Variants in MASP2 observed in about 807,000 individuals in gnomAD.
MASP2 encodes MBL associated serine protease 2.
Under a neutral mutation model 57.1 loss-of-function variants are expected in MASP2, and 49 were observed. The ratio of observed to expected loss-of-function variants is 0.86; its 90% CI spans 0.68 to 1.09. The LOEUF is 1.09. Ranked by LOEUF, MASP2 falls within the 50% of genes least tolerant of loss-of-function variation. MASP2 has a pLI of 0.00. For synonymous variants in MASP2, 379 were observed against 340.8 expected (o/e 1.11, Z -1.24); for missense variants, 900 against 874.8 (o/e 1.03, Z -0.36).
intron 4 of MASP2, chr1:11,045,050 C>T: frequency 8.9e-7 from 1 of 1,117,392 alleles, no homozygotes; most frequent in South Asian, 1.3e-5. Context: ...CTGCCCACGC[C>T]CCAGAGCACT....
chr1:11,030,217 G>C lies in MASP2; in HGVS notation c.1256C>G (p.Thr419Arg), dbSNP rs201988936. The stretch of plus-strand genomic sequence containing the variant: ...GAGTGATTTTTCTCCTTTGGAGCTC[G>C]TCCAGAATCCATCAGCCTCACACAC... ...KYVCEADGFWTSSKGEKSLPV... is the reference protein window; with the variant it reads ...KYVCEADGFWRSSKGEKSLPV... Residue 419 changes from threonine (T) to arginine (R), a missense_variant, in exon 10 of 11, where the codon ACG becomes AGG. Transcript: ENST00000400897. 19 of 1,613,362 alleles carry C rather than the reference G, an allele frequency of 1.2e-5. No homozygotes were observed. The highest frequency in any genetic ancestry group is 1.6e-5 in the Non-Finnish European group (19 of 1,179,826).
chr1:11,040,766 G>A (rs1238377890), intron 6 of MASP2, among the ~76,000 whole-genome samples: 2 of 150,894 alleles, frequency 1.3e-5, no homozygotes, highest in South Asian at 2.1e-4. Flanking sequence ...TAGAAGAATG[G>A]GTGGGTGGGT....
At chr1:11,042,483 A>C (rs933805452) in intron 6 of MASP2, among the ~76,000 whole-genome samples, 1 of 150,874 alleles carries the variant, frequency 6.6e-6, no homozygotes, top group East Asian at 2.0e-4. Flanking sequence ...GCTGAATAGA[A>C]GGATGGATGG....
At chr1:11,045,117 A>G (rs1638586560) in intron 4 of MASP2, 2 of 764,422 alleles carry the variant, frequency 2.6e-6, no homozygotes, top group Non-Finnish European at 4.5e-6. Flanking sequence ...CGAGGGCTAG[A>G]TACCCCCGAC....
At chr1:11,028,865 C>G (rs1000440594) in intron 10 of MASP2, among the ~76,000 whole-genome samples, 2 of 151,646 alleles carry the variant, frequency 1.3e-5, no homozygotes, top group Admixed American at 1.3e-4. Flanking sequence ...AGGCACACGC[C>G]ACCACACCTG....
intron 7 of MASP2, among the ~76,000 whole-genome samples, chr1:11,036,629 CTT>C (rs748876362): frequency 1.4e-4 from 15 of 110,270 alleles, no homozygotes; most frequent in Middle Eastern, 5.1e-3. Flanking sequence ...AAGTGTCTCT[CTT>C]TTTTTTTTTT....
At chr1:11,030,628 G>T in intron 9 of MASP2, 120 bp downstream of exon 9, 1 of 1,101,860 alleles carries the variant, frequency 9.1e-7, no homozygotes, top group Non-Finnish European at 1.3e-6. Context: ...GCGGATGGGA[G>T]AAGTGGCTTT....
chr1:11,041,628 T>A, intron 6 of MASP2, among the ~76,000 whole-genome samples: 1 of 146,756 alleles, frequency 6.8e-6, no homozygotes, highest in African/African-American at 2.6e-5. Context: ...GATGGATGGA[T>A]GGATGGATGG....
At chr1:11,034,604 A>G (rs1643874744) in intron 8 of MASP2, among the ~76,000 whole-genome samples, 1 of 151,304 alleles carries the variant, frequency 6.6e-6, no homozygotes, top group South Asian at 2.1e-4. Flanking sequence ...AGGCTGAGGC[A>G]GGAGGATTGC....
intron 10 of MASP2, 66 bp from the exon 11 acceptor site, chr1:11,027,714 T>C (rs1384726554): frequency 4.0e-6 from 6 of 1,499,194 alleles, no homozygotes; most frequent in South Asian, 1.3e-5. Flanking sequence ...TCTTAAATTA[T>C]GACCGCCTTG....
intron 8 of MASP2, among the ~76,000 whole-genome samples, chr1:11,033,043 T>C (rs1053053066): frequency 1.3e-5 from 2 of 152,096 alleles, no homozygotes; most frequent in Non-Finnish European, 2.9e-5. Context: ...AGAAAAATAT[T>C]GTCGGCCGGG....
rs932876565 is a variant in MASP2 at position 11,043,520 on chromosome 1, T to C, written c.560A>G (p.Gln187Arg). The C allele has an allele frequency of 3.1e-6, 5 of 1,601,392 alleles. No individual in the cohort carries two copies. The highest frequency in any genetic ancestry group is 2.7e-5 in the African/African-American group (2 of 74,734). The change falls in exon 5 of 11, where the codon CAG (glutamine) becomes CGG (arginine). Residue 187 changes from glutamine (Q) to arginine (R), a missense_variant. By Grantham distance (43) the Gln-to-Arg change is conservative. Transcript: ENST00000400897. ...KRTCSALCSG[Q>R]VFTQRSGELS... ...CTCCCCAGACCTCTGGGTGAAGACC[T>C]GGCCGGAGCACAGGGCTGGAAGGAG... is the stretch of plus-strand genomic sequence containing the variant.
intron 9 of MASP2, chr1:11,030,485 AAT>A (rs1455749372): frequency 6.2e-5 from 36 of 579,476 alleles, no homozygotes; most frequent in Non-Finnish European, 1.0e-4. Context: ...TCAAGTGCTT[AAT>A]GATAAGGTGT....
chr1:11,041,276 G>A (rs568218244), intron 6 of MASP2, among the ~76,000 whole-genome samples: 62 of 151,812 alleles, frequency 4.1e-4, no homozygotes, highest in African/African-American at 1.4e-3. Flanking sequence ...AGGATGGATG[G>A]GTGAGTAGAT....
chr1:11,040,337 C>T (rs577557942), intron 6 of MASP2, among the ~76,000 whole-genome samples: 6 of 151,694 alleles, frequency 4.0e-5, no homozygotes, highest in Admixed American at 6.6e-5. Flanking sequence ...GGCATGGTGG[C>T]GCATGCCTGT....
In MASP2 at chr1:11,038,717, A is replaced by C. The variant is rs142169362; in HGVS notation, c.890-906T>G. Among the ~76,000 whole-genome samples, 167 of 152,304 alleles carry C rather than the reference A, an allele frequency of 1.1e-3. 1 individual carries two copies. Among genetic ancestry groups the C allele is most frequent in the African/African-American group, 4.0e-3 (167 of 41,574 alleles). On this transcript the variant is annotated intron_variant, in intron 6 of 10. Coordinates refer to ENST00000400897, the MANE Select transcript of MASP2 (RefSeq NM_006610.4). ...AGGTCCCAAAGTCTCCCCTTGAGGA[A>C]TCAATCTCCAGGGACAGCCTTGGTG...
rs572449800 is a variant in MASP2 at position 11,027,637 on chromosome 1, A to G, written c.1309T>C (p.Ser437Pro). 4.4e-6 allele frequency: 7 copies of G among 1,604,328 alleles called. No homozygotes were observed. The African/African-American group carries it at 5.4e-5, about 12-fold the overall frequency. The change falls in exon 11 of 11, where the codon TCA becomes CCA. Residue 437 changes from serine (S) to proline (P), a missense_variant. Coordinates refer to ENST00000400897, the MANE Select transcript of MASP2 (RefSeq NM_006610.4). Reference protein sequence around the residue: ...LPVCEPVCGLSARTTGGRIYG... With the variant: ...LPVCEPVCGLPARTTGGRIYG... ...ATACGCCCTCCTGTTGTGCGGGCTG[A>G]TAGTCCACAAACTGGAGAAAGAAGC...
At chr1:11,028,687 A>G (rs184625276) in intron 10 of MASP2, among the ~76,000 whole-genome samples, 1 of 142,414 alleles carries the variant, frequency 7.0e-6, no homozygotes, top group Non-Finnish European at 1.5e-5. Context: ...ATATATTACT[A>G]TCTTTCTGGG....
At chr1:11,045,560 G>C (rs2100906597) in intron 3 of MASP2, 21 bp from the exon 4 acceptor site, 1 of 1,594,852 alleles carries the variant, frequency 6.3e-7, no homozygotes, top group Non-Finnish European at 8.5e-7. Context: ...GGCAGGGCCA[G>C]GCAGGCCGTC....
Sources: allele counts gnomAD v4.1 joint callset (sites outside exome capture counted in the v4.1 genomes callset), GRCh38; gene constraint gnomAD v4.1.1; transcripts MANE v1.5; gene names NCBI Gene and HGNC (gene_info 2026-07-23, HGNC 2026-07-21).